The following SMIM36 variants were observed in gnomAD, a reference collection of about 807,000 sequenced individuals.
SMIM36 encodes small integral membrane protein 36.
chr17:55,461,299 A>T (rs1909144752), intron 4 of SMIM36, among the ~76,000 whole-genome samples: 1 of 152,208 alleles, frequency 6.6e-6, no homozygotes, highest in East Asian at 1.9e-4. Flanking sequence ...CACTCTCAAA[A>T]TATCCTTGCT....
At position 55,496,758 on chromosome 17, in the gene SMIM36, A is replaced by G. The variant is rs139096047; in HGVS notation, c.*174+14121T>C. Among the ~76,000 whole-genome samples, 16 of 152,300 alleles carry G rather than the reference A, an allele frequency of 1.1e-4. No homozygotes were observed. In the East Asian group the frequency reaches 2.9e-3, roughly 28 times the overall value. On this transcript the variant is annotated intron_variant, in intron 1 of 4. Coordinates refer to ENST00000636752, the Ensembl canonical transcript of SMIM36. ...GGGAGAGACAGATCTCAAAAGTGTG[A>G]CTTTTCTGCACCCACCTTGCTGAAT...
intron 3 of SMIM36, chr17:55,468,432 C>T (rs867566851): frequency 9.1e-5 from 14 of 153,018 alleles, no homozygotes; most frequent in Admixed American, 2.0e-4. Flanking sequence ...ACATTTTATC[C>T]GTCAACTTAA....
Position 55,453,289 on chromosome 17 carries a change from C to G in SMIM36, c.*532-2991G>C, listed in dbSNP as rs555788888. Among the ~76,000 whole-genome samples, 30 of 149,896 alleles carry G rather than the reference C, an allele frequency of 2.0e-4. No individual in the cohort carries two copies. In the South Asian group the frequency reaches 6.2e-3, roughly 31 times the overall value. On this transcript the variant is annotated intron_variant, in intron 4 of 4. Coordinates refer to ENST00000636752, the Ensembl canonical transcript of SMIM36. ...CTATGATCAAGCCGCTGTACCCCAG[C>G]CTGGGTGACATAAATAAGTAAGTAA...
rs1159849192 is a variant in SMIM36 at position 55,500,789 on chromosome 17, T to G, written c.*174+10090A>C. ...TATTTTATAATATATAATATATTAT[T>G]ATATATTTTATAATATATTATAATA... On this transcript the variant is annotated intron_variant, in intron 1 of 4. Transcript: ENST00000636752. Among the ~76,000 whole-genome samples, 4 of 54,086 alleles carry G rather than the reference T, an allele frequency of 7.4e-5. 2 individuals are homozygous for G. The highest frequency in any genetic ancestry group is 5.2e-4 in the African/African-American group (4 of 7,766). 35.5% of individuals were successfully genotyped at this position (54,086 alleles called of 152,430 possible).
At chr17:55,490,289 C>G (rs1909680480) in intron 1 of SMIM36, among the ~76,000 whole-genome samples, 1 of 152,130 alleles carries the variant, frequency 6.6e-6, no homozygotes, top group Non-Finnish European at 1.5e-5. Context: ...ACTGATTCTG[C>G]CAGGTGGTAT....
intron 1 of SMIM36, among the ~76,000 whole-genome samples, chr17:55,508,423 T>C (rs1910117396): frequency 7.4e-6 from 1 of 135,058 alleles, no homozygotes; most frequent in Non-Finnish European, 1.5e-5. Flanking sequence ...TATATATATA[T>C]TCCTAGGAAT....
the SMIM36 span, among the ~76,000 whole-genome samples, chr17:55,525,759 G>A: frequency 6.6e-6 from 1 of 152,110 alleles, no homozygotes; most frequent in African/African-American, 2.4e-5. Context: ...CTGGGTTCAA[G>A]TGATTCTCCA....
At chr17:55,520,281 G>A in the SMIM36 span, among the ~76,000 whole-genome samples, 1 of 152,008 alleles carries the variant, frequency 6.6e-6, no homozygotes, top group Non-Finnish European at 1.5e-5. Flanking sequence ...TTCATCTCAA[G>A]TATGTAGTAG....
intron 1 of SMIM36, among the ~76,000 whole-genome samples, chr17:55,499,701 C>G (rs1567870216): frequency 6.6e-6 from 1 of 152,032 alleles, no homozygotes; most frequent in Non-Finnish European, 1.5e-5. Flanking sequence ...TGAATTAAAA[C>G]ATACTGGAAA....
intron 1 of SMIM36, among the ~76,000 whole-genome samples, chr17:55,484,141 A>T (rs1180284005): frequency 6.6e-6 from 1 of 151,928 alleles, no homozygotes; most frequent in Non-Finnish European, 1.5e-5. Flanking sequence ...AAAAATCACC[A>T]TAGCAAAAAA....
chr17:55,469,376 T>G (rs958724259), intron 3 of SMIM36, among the ~76,000 whole-genome samples: 19 of 152,270 alleles, frequency 1.2e-4, no homozygotes, highest in Admixed American at 3.3e-4. Context: ...CTCTTTTTCA[T>G]CAAATATAAA....
At chr17:55,488,088 T>C (rs959654424) in intron 1 of SMIM36, among the ~76,000 whole-genome samples, 6 of 152,242 alleles carry the variant, frequency 3.9e-5, no homozygotes, top group Non-Finnish European at 5.9e-5. Flanking sequence ...TCAGGTTGGC[T>C]GAGGGCAATG....
In SMIM36 at chr17:55,492,303, C is replaced by T. The variant is rs546421303; in HGVS notation, c.*175-12723G>A. ...CTGTCACCAGGCTGGATTGCAATGG[C>T]GCGACCTTGGCTCACTGCAACCTCT... On this transcript the variant is annotated intron_variant, in intron 1 of 4. Coordinates refer to ENST00000636752, the Ensembl canonical transcript of SMIM36. Among the ~76,000 whole-genome samples, 15 of 127,682 alleles carry T rather than the reference C, an allele frequency of 1.2e-4. No homozygotes were observed. In the South Asian group the frequency reaches 1.2e-3, roughly 10 times the overall value. 83.8% of individuals were successfully genotyped at this position (127,682 alleles called of 152,430 possible). A position where few individuals can be genotyped will look rare whatever the true frequency, so the allele number is the denominator to read the frequency against.
intron 1 of SMIM36, among the ~76,000 whole-genome samples, chr17:55,492,239 TTTC>T (rs1221350682): frequency 0.063 from 5,781 of 92,132 alleles, 505 homozygotes; most frequent in African/African-American, 0.29. Context: ...CTTTTCTTTC[TTTC>T]TTTTTTTTTT....
intron 4 of SMIM36, among the ~76,000 whole-genome samples, chr17:55,455,001 T>TA (rs1358603150): frequency 3.9e-5 from 6 of 152,220 alleles, no homozygotes; most frequent in Non-Finnish European, 7.3e-5. Flanking sequence ...TAGAGAGAAC[T>TA]ATCTGTGCAC....
chr17:55,503,072 T>G (rs1320874346), intron 1 of SMIM36, among the ~76,000 whole-genome samples: 13 of 132,434 alleles, frequency 9.8e-5, no homozygotes, highest in Non-Finnish European at 2.0e-4. Context: ...TATGGGACTA[T>G]GTGAAAAGAC....
At chr17:55,524,946 G>T in the SMIM36 span, among the ~76,000 whole-genome samples, 1 of 152,140 alleles carries the variant, frequency 6.6e-6, no homozygotes, top group African/African-American at 2.4e-5. Flanking sequence ...TGAGCCATCC[G>T]ATCCTCCCAG....
chr17:55,456,717 G>T (rs577907479), intron 4 of SMIM36, among the ~76,000 whole-genome samples: 7 of 152,180 alleles, frequency 4.6e-5, no homozygotes, highest in African/African-American at 1.7e-4. Context: ...TAGTAGGAAG[G>T]TTCAATAAAT....
chr17:55,476,570 T>A (rs886912042), intron 3 of SMIM36, among the ~76,000 whole-genome samples: 18 of 150,928 alleles, frequency 1.2e-4, no homozygotes, highest in African/African-American at 4.4e-4. Flanking sequence ...GGTCACTATT[T>A]TTTTTTTTTG....
Sources: allele counts gnomAD v4.1 joint callset (sites outside exome capture counted in the v4.1 genomes callset), GRCh38; gene constraint gnomAD v4.1.1; transcripts MANE v1.5; gene names NCBI Gene and HGNC (gene_info 2026-07-23, HGNC 2026-07-21).